The following CEP131 variants were observed in gnomAD, a reference collection of about 807,000 sequenced individuals.
CEP131 encodes the protein centrosomal protein of 131 kDa.
A neutral mutation model predicts 136.8 loss-of-function variants in CEP131; 99 were observed. The ratio of observed to expected loss-of-function variants is 0.72; its 90% confidence interval spans 0.62 to 0.86. The LOEUF (loss-of-function observed/expected upper bound fraction) is 0.86, where lower values mean the gene tolerates loss of function less well. CEP131 is among the 40% of genes least tolerant of loss of function. The pLI is 0.00. For missense variants in CEP131, 1,459 were observed against 1,463.0 expected (o/e 1.00, Z 0.04); for synonymous variants, 646 against 612.7 (o/e 1.05, Z -0.80).
At chr17:81,216,670 A>G (rs924350918) in intron 2 of CEP131, among the ~76,000 whole-genome samples, 3 of 152,248 alleles carry the variant, frequency 2.0e-5, no homozygotes, top group Non-Finnish European at 4.4e-5. Context: ...GTGGCCGCCT[A>G]GGAGAGGCCC....
intron 15 of CEP131, 46 bp downstream of exon 15, chr17:81,196,655 G>A (rs750476554): frequency 1.3e-5 from 21 of 1,573,800 alleles, no homozygotes; most frequent in Middle Eastern, 2.0e-4. Context: ...AAGTCTCCAT[G>A]AGCCACGCGC....
At chr17:81,200,092 T>C in intron 8 of CEP131, 1 of 608,014 alleles carries the variant, frequency 1.6e-6, no homozygotes, top group Non-Finnish European at 2.9e-6. Context: ...CTCCTGAGAC[T>C]CTCCAGCCTG....
intron 2 of CEP131, among the ~76,000 whole-genome samples, chr17:81,214,297 G>C (rs942503966): frequency 2.0e-5 from 3 of 152,230 alleles, no homozygotes; most frequent in South Asian, 2.1e-4. Context: ...GCTCACGCCT[G>C]TAAGCCCAGC....
At chr17:81,198,409 C>T (rs1194076904) in intron 11 of CEP131, 112 bp from the exon 12 acceptor site, 18 of 1,123,890 alleles carry the variant, frequency 1.6e-5, no homozygotes, top group Admixed American at 2.8e-5. Flanking sequence ...TCCCCAGTCC[C>T]GACATTCAGC....
intron 9 of CEP131, 37 bp downstream of exon 9, chr17:81,199,682 C>A: frequency 6.2e-7 from 1 of 1,602,830 alleles, no homozygotes; most frequent in South Asian, 1.1e-5. Flanking sequence ...CAGGCCTGGG[C>A]CACGGTGCTG....
intron 13 of CEP131, 190 bp downstream of exon 13, chr17:81,197,522 C>T: frequency 2.4e-6 from 2 of 842,230 alleles, no homozygotes; most frequent in Non-Finnish European, 3.5e-6. Flanking sequence ...GTGGGGGGTG[C>T]TGCATAACTA....
intron 1 of CEP131, among the ~76,000 whole-genome samples, chr17:81,222,518 C>A (rs2062410348): frequency 1.3e-5 from 2 of 152,184 alleles, no homozygotes; most frequent in South Asian, 2.1e-4. Context: ...GGGACCCACA[C>A]CCTCAGGCAC....
At chr17:81,214,329 C>A (rs888355273) in intron 2 of CEP131, among the ~76,000 whole-genome samples, 2 of 152,208 alleles carry the variant, frequency 1.3e-5, no homozygotes, top group East Asian at 1.9e-4. Flanking sequence ...CCAAGGCGGG[C>A]GGATTCACTT....
intron 11 of CEP131, 69 bp from the exon 12 acceptor site, chr17:81,198,366 C>A: frequency 6.8e-7 from 1 of 1,464,632 alleles, no homozygotes; most frequent in Non-Finnish European, 9.1e-7. Flanking sequence ...ACATAGGAGG[C>A]CAACCGCAGA....
chr17:81,196,685 T>G lies in CEP131; in HGVS notation c.1899+16A>C. The stretch of plus-strand genomic sequence containing the variant: ...ACGCGCTGGGTCCGGGCCTCTGCGC[T>G]CCCCGGGCCGCTCACCTGGTCAATG... On this transcript the variant is annotated intron_variant, in intron 15 of 25. Coordinates refer to ENST00000450824, the MANE Select transcript of CEP131 (RefSeq NM_014984.4). 6.3e-7 allele frequency: 1 copy of G among 1,598,184 alleles called. No homozygotes were observed. Among genetic ancestry groups the G allele is most frequent in the Non-Finnish European group, 8.5e-7 (1 of 1,177,020 alleles).
chr17:81,200,049 G>T, intron 8 of CEP131: 1 of 616,338 alleles, frequency 1.6e-6, no homozygotes, highest in Non-Finnish European at 2.9e-6. Context: ...CAGTTCTGGC[G>T]TGGGGGAGAC....
chr17:81,197,015 C>T lies in CEP131; in HGVS notation c.1688G>A (p.Gly563Glu), dbSNP rs1450261601. 6.3e-7 allele frequency: 1 copy of T among 1,596,814 alleles called. No individual in the cohort carries two copies. The highest frequency in any genetic ancestry group is 8.5e-7 in the Non-Finnish European group (1 of 1,171,912). The change falls in exon 14 of 26, where the codon GGG (glycine) becomes GAG (glutamate). Residue 563 changes from glycine to glutamate, a missense_variant. Gly to Glu is a moderately conservative substitution (Grantham distance 98). Around this residue, in one of 3 missense-constraint regions of CEP131, gnomAD observed 1,026 missense variants for 964.2 expected, o/e 1.06. Transcript: ENST00000450824. Reference protein sequence around the residue: ...PEAGPGPLELGSEVSTSVMRL... With the variant: ...PEAGPGPLELESEVSTSVMRL... The stretch of plus-strand genomic sequence containing the variant: ...CATCACAGACGTGCTCACCTCGGAC[C>T]CCAGCTCCAGGGGCCCCGGCCCCGC...
In CEP131 at chr17:81,191,016, T is replaced by C; in HGVS notation, c.2834A>G (p.Gln945Arg). ...SELEQSERKL[Q>R]ERCSELKGQL... ...GCCCTTCAGCTCCGAGCACCGCTCC[T>C]GAAGCTTCCGCTCCGACTGCTCCAG... The change falls in exon 23 of 26, where the codon CAG becomes CGG. Residue 945 changes from glutamine to arginine, a missense_variant. Physicochemically the swap from Gln to Arg is conservative, Grantham distance 43. Coordinates refer to ENST00000450824, the MANE Select transcript of CEP131 (RefSeq NM_014984.4). 1.9e-6 allele frequency: 3 copies of C among 1,610,330 alleles called. No individual in the cohort carries two copies. Among genetic ancestry groups the C allele is most frequent in the Non-Finnish European group, 8.5e-7 (1 of 1,179,888 alleles).
chr17:81,198,307 A>G lies in CEP131; in HGVS notation c.1288-10T>C, dbSNP rs1236945733. Reference sequence around the variant, plus strand: ...CCTGGGCAAGAACGTCCTGCAAAAGAGCAGGGAGACAGATGCAGCAAGGCT... The same window carrying G: ...CCTGGGCAAGAACGTCCTGCAAAAGGGCAGGGAGACAGATGCAGCAAGGCT... On this transcript the variant is annotated splice_polypyrimidine_tract_variant and intron_variant, in intron 11 of 25. Coordinates refer to ENST00000450824, the MANE Select transcript of CEP131 (RefSeq NM_014984.4). The G allele has an allele frequency of 1.3e-6, 2 of 1,585,568 alleles. No homozygotes were observed. The highest frequency in any genetic ancestry group is 2.3e-5 in the South Asian group (2 of 87,962).
rs797012000 is a variant in CEP131, at chr17:81,209,104, C to G, written c.178-82G>C. ...TCAGCCTCCGCCAGCTTTGGAGAAA[C>G]GCAGTCAGAGAACAGAGGGGTGGCC... On this transcript the variant is annotated intron_variant, in intron 2 of 25. Coordinates refer to ENST00000450824, the MANE Select transcript of CEP131 (RefSeq NM_014984.4). 4.6e-5 allele frequency: 49 copies of G among 1,068,726 alleles called. 1 individual carries two copies. The African/African-American group carries it at 6.8e-4, about 15-fold the overall frequency. 66.2% of individuals were successfully genotyped at this position (1,068,726 alleles called of 1,614,324 possible).
At chr17:81,209,555 CA>C (rs2062088235) in intron 2 of CEP131, among the ~76,000 whole-genome samples, 1 of 151,768 alleles carries the variant, frequency 6.6e-6, no homozygotes, top group Admixed American at 6.6e-5. Context: ...GCGCAGCAGA[CA>C]CTAAGCAAGG....
intron 2 of CEP131, among the ~76,000 whole-genome samples, chr17:81,214,628 T>C (rs1306560623): frequency 6.6e-6 from 1 of 152,162 alleles, no homozygotes; most frequent in Admixed American, 6.5e-5. Context: ...AGATATCTTT[T>C]GTTACATATG....
intron 15 of CEP131, among the ~76,000 whole-genome samples, chr17:81,196,493 C>T (rs889830991): frequency 2.0e-5 from 3 of 152,230 alleles, no homozygotes; most frequent in African/African-American, 4.8e-5. Context: ...TACACTCACA[C>T]GGGGCGGCTC....
chr17:81,189,692 C>G lies in CEP131; in HGVS notation c.*77G>C. Reference sequence around the variant, plus strand: ...GCCTCTGTGGGGGGCAGGTGGGCGTCCCTGTGGGCCTCTGGGCCCACGTCC... The same window carrying G: ...GCCTCTGTGGGGGGCAGGTGGGCGTGCCTGTGGGCCTCTGGGCCCACGTCC... On this transcript the variant is annotated 3_prime_UTR_variant, in exon 26 of 26. Coordinates refer to ENST00000450824, the MANE Select transcript of CEP131 (RefSeq NM_014984.4). 1 of 1,446,452 alleles carries G rather than the reference C, an allele frequency of 6.9e-7. No individual in the cohort carries two copies. 89.6% of individuals were successfully genotyped at this position (1,446,452 alleles called of 1,614,324 possible).
Sources: gnomAD v4.1 joint callset for allele counts (sites outside exome capture counted in the v4.1 genomes callset) on GRCh38, gnomAD v4.1.1 for gene constraint, gnomAD v4.1.1 regional missense constraint, MANE v1.5 for transcripts, NCBI Gene and HGNC (gene_info 2026-07-23, HGNC 2026-07-21) for gene names.